The following CACNA1C variants were observed in gnomAD, a reference collection of about 807,000 sequenced individuals.
The protein encoded by CACNA1C is voltage-dependent L-type calcium channel subunit alpha-1C.
Under a neutral mutation model 229.0 loss-of-function variants are expected in CACNA1C, and 30 were observed. The observed-to-expected ratio is 0.13, with a 90% confidence interval of 0.10 to 0.18. The LOEUF (loss-of-function observed/expected upper bound fraction) is 0.18, where lower values mean the gene tolerates loss of function less well. Among genes scored for constraint, CACNA1C ranks in the 10% least tolerant of loss-of-function variants. The probability of loss-of-function intolerance (pLI) is 1.00; values close to 1 mark genes in which losing one functional copy is unlikely to be tolerated. For synonymous variants in CACNA1C, 1,114 were observed against 1,132.5 expected, an observed-to-expected ratio of 0.98 and a Z score of 0.33; for missense variants, 1,658 against 2,845.0, an observed-to-expected ratio of 0.58 and a Z score of 9.49.
rs2093404796 is a variant in CACNA1C at position 2,639,632 on chromosome 12, G to A, written c.3912+5252G>A. Among the ~76,000 whole-genome samples, 1 of 152,152 alleles carries A rather than the reference G, an allele frequency of 6.6e-6. No individual in the cohort carries two copies. Among genetic ancestry groups the A allele is most frequent in the South Asian group, 2.1e-4 (1 of 4,824 alleles). ...TTTAGGATGGTCTCTTGCAACTCTA[G>A]CCTGCAGTGATTCTGACTTGGGCAT... On this transcript the variant is annotated intron_variant, in intron 30 of 46. Coordinates refer to ENST00000399655, the MANE Select transcript of CACNA1C (RefSeq NM_000719.7). This position sits in a 1 kb window ranked among gnomAD's most constrained non-coding sequence, Gnocchi z 4.2.
chr12:2,430,367 A>G (rs1455770626), intron 3 of CACNA1C, among the ~76,000 whole-genome samples: 2 of 152,144 alleles, frequency 1.3e-5, no homozygotes, highest in Non-Finnish European at 2.9e-5. Flanking sequence ...CTTATTTCTA[A>G]CTAGAATCCA....
At chr12:2,661,533 G>T (rs1365113039) in intron 34 of CACNA1C, among the ~76,000 whole-genome samples, 2 of 151,978 alleles carry the variant, frequency 1.3e-5, no homozygotes, top group Non-Finnish European at 1.5e-5. Context: ...AAGGCCCAAG[G>T]TTCAATATTT....
intron 39 of CACNA1C, 144 bp downstream of exon 39, chr12:2,674,786 C>T: frequency 1.3e-6 from 1 of 777,364 alleles, no homozygotes; most frequent in Non-Finnish European, 2.0e-6. Flanking sequence ...TGCTGGAGGT[C>T]TGCCTTCAGA....
At chr12:2,274,133 C>A (rs564094960) in intron 3 of CACNA1C, among the ~76,000 whole-genome samples, 3 of 152,210 alleles carry the variant, frequency 2.0e-5, no homozygotes, top group East Asian at 3.9e-4. Flanking sequence ...CTTATCTTCA[C>A]GGCCTCCTCG....
intron 3 of CACNA1C, among the ~76,000 whole-genome samples, chr12:2,186,138 T>C: frequency 6.6e-6 from 1 of 152,158 alleles, no homozygotes; most frequent in Admixed American, 6.5e-5. Flanking sequence ...CTCTCATCTT[T>C]ATGGGAAAAC....
chr12:2,069,661 A>T (rs2060511768), intron 1 of CACNA1C, among the ~76,000 whole-genome samples: 1 of 152,118 alleles, frequency 6.6e-6, no homozygotes. Flanking sequence ...TACCATATGA[A>T]TCTATTTATT....
intron 3 of CACNA1C, among the ~76,000 whole-genome samples, chr12:2,335,168 C>G (rs2096654256): frequency 6.6e-6 from 1 of 152,142 alleles, no homozygotes; most frequent in Non-Finnish European, 1.5e-5. Context: ...CTGTGATCCC[C>G]TGTCTTCCCC....
At chr12:2,551,128 G>C (rs570715383) in intron 10 of CACNA1C, among the ~76,000 whole-genome samples, 15 of 152,280 alleles carry the variant, frequency 9.9e-5, no homozygotes, top group African/African-American at 2.6e-4. Context: ...CTATAGGAAG[G>C]CTTCAAAGTC....
intron 9 of CACNA1C, among the ~76,000 whole-genome samples, chr12:2,535,902 C>T (rs1487539506): frequency 1.3e-5 from 2 of 152,204 alleles, no homozygotes; most frequent in African/African-American, 2.4e-5. Context: ...ATTCTGACAG[C>T]TGCCCATAAA....
chr12:2,621,985 C>T (rs1372141048), intron 29 of CACNA1C, among the ~76,000 whole-genome samples: 1 of 152,056 alleles, frequency 6.6e-6, no homozygotes, highest in African/African-American at 2.4e-5. Context: ...CAGAAGCCTT[C>T]AAGTCCTGGG....
intron 1 of CACNA1C, among the ~76,000 whole-genome samples, chr12:1,984,234 C>G (rs1472362985): frequency 6.6e-6 from 1 of 152,004 alleles, no homozygotes; most frequent in Non-Finnish European, 1.5e-5. Context: ...AACGTAACTA[C>G]CGATATGGTT....
chr12:2,313,866 G>T (rs1408239764), intron 3 of CACNA1C, among the ~76,000 whole-genome samples: 1 of 152,214 alleles, frequency 6.6e-6, no homozygotes, highest in Admixed American at 6.5e-5. Context: ...TCTCCCCTGA[G>T]ATGATCTATC....
At chr12:2,002,396 G>C (rs2042380650) in intron 1 of CACNA1C, among the ~76,000 whole-genome samples, 1 of 152,202 alleles carries the variant, frequency 6.6e-6, no homozygotes, top group Non-Finnish European at 1.5e-5. Flanking sequence ...CCACAGCCTT[G>C]AAGATTAGAA....
chr12:2,408,611 C>T (rs1160974040), intron 3 of CACNA1C, among the ~76,000 whole-genome samples: 1 of 151,990 alleles, frequency 6.6e-6, no homozygotes. Flanking sequence ...TGCTTCTCTC[C>T]TCTTTTAGAG....
At chr12:2,359,351 T>C (rs906234367) in intron 3 of CACNA1C, among the ~76,000 whole-genome samples, 5 of 152,192 alleles carry the variant, frequency 3.3e-5, no homozygotes, top group African/African-American at 4.8e-5. Context: ...AGACTCACCT[T>C]CCTGCCTATG....
rs189377038 is a variant in CACNA1C at position 2,631,802 on chromosome 12, C to T, written c.3829-2495C>T. 7.6e-4 allele frequency among the ~76,000 whole-genome samples: 116 copies of T among 152,320 alleles called. No individual in the cohort carries two copies. The Middle Eastern group carries it at 0.017, about 22-fold the overall frequency. On this transcript the variant is annotated intron_variant, in intron 29 of 46. Transcript: ENST00000399655. Reference sequence around the variant, plus strand: ...CCGGGGTGGCGTTTCTGTTTTCTTTCGGCAGAAATGCCTGGGAACCGAAAG... The same window carrying T: ...CCGGGGTGGCGTTTCTGTTTTCTTTTGGCAGAAATGCCTGGGAACCGAAAG...
rs533907940 is a variant in CACNA1C at position 2,236,732 on chromosome 12, C to T, written c.477+116302C>T. ...GCAGAATCACCATGGCAACTGCATCCTTTGATTCTTGAGTGTGCCCAGCAA... is the reference window on the plus strand; with the variant it reads ...GCAGAATCACCATGGCAACTGCATCTTTTGATTCTTGAGTGTGCCCAGCAA... On this transcript the variant is annotated intron_variant, in intron 3 of 46. Transcript: ENST00000399655. 5.3e-5 allele frequency among the ~76,000 whole-genome samples: 8 copies of T among 152,282 alleles called. No individual in the cohort carries two copies. The East Asian group carries it at 5.8e-4, about 11-fold the overall frequency.
chr12:2,443,297 C>T (rs892325296), intron 3 of CACNA1C, among the ~76,000 whole-genome samples: 1 of 152,182 alleles, frequency 6.6e-6, no homozygotes, highest in African/African-American at 2.4e-5. Flanking sequence ...CAGGCAAGTT[C>T]AAAACCCAGT....
chr12:2,636,868 T>G (rs2092790280), intron 30 of CACNA1C, among the ~76,000 whole-genome samples: 2 of 152,200 alleles, frequency 1.3e-5, no homozygotes, highest in African/African-American at 4.8e-5. Context: ...TGCCCCTGTG[T>G]CCTCCCATAC....
Sources: gnomAD v4.1 joint callset for allele counts (sites outside exome capture counted in the v4.1 genomes callset) on GRCh38, gnomAD v4.1.1 for gene constraint, Gnocchi (gnomAD v3.1) non-coding constraint, MANE v1.5 for transcripts, NCBI Gene and HGNC (gene_info 2026-07-23, HGNC 2026-07-21) for gene names.